The following ARHGAP15 variants were observed in gnomAD, a reference collection of about 807,000 sequenced individuals.
ARHGAP15 encodes Rho GTPase activating protein 15, also known as rho GTPase-activating protein 15.
A neutral mutation model predicts 63.7 loss-of-function variants in ARHGAP15; 51 were observed. That is an observed-to-expected ratio of 0.80 (90% CI 0.64 to 1.01). The LOEUF is 1.01. ARHGAP15 is among the 50% of genes least tolerant of loss of function. ARHGAP15 has a pLI of 0.00. For missense variants in ARHGAP15, 560 were observed against 564.6 expected, an observed-to-expected ratio of 0.99 and a Z score of 0.08; for synonymous variants, 191 against 193.8, an observed-to-expected ratio of 0.99 and a Z score of 0.12.
At chr2:143,379,487 A>ATATATGTGTGTGTGTG (rs1202571594) in intron 6 of ARHGAP15, among the ~76,000 whole-genome samples, 10 of 129,760 alleles carry the variant, frequency 7.7e-5, no homozygotes, top group African/African-American at 2.6e-4. Context: ...AGGCATATAT[A>ATATATGTGTGTGTGTG]TGTGTGTGTG....
At chr2:143,394,952 A>G (rs1450278807) in intron 6 of ARHGAP15, among the ~76,000 whole-genome samples, 2 of 152,156 alleles carry the variant, frequency 1.3e-5, no homozygotes, top group African/African-American at 2.4e-5. Context: ...GTCGAAATTT[A>G]CCATTCAGAG....
In ARHGAP15 at chr2:143,513,812, A is replaced by C. The variant is rs528679393; in HGVS notation, c.827-5454A>C. Among the ~76,000 whole-genome samples the C allele has an allele frequency of 7.2e-5, 11 of 152,268 alleles. No individual in the cohort carries two copies. The East Asian group carries it at 2.1e-3, about 29-fold the overall frequency. ...GCTCACCTCCTACACCCACTTGCCAAACCCGACTGAATCACTCCTTCTTGC... is the reference window on the plus strand; with the variant it reads ...GCTCACCTCCTACACCCACTTGCCACACCCGACTGAATCACTCCTTCTTGC... On this transcript the variant is annotated intron_variant, in intron 9 of 13. Transcript: ENST00000295095.
chr2:143,191,036 TG>T (rs1449673752), intron 2 of ARHGAP15, among the ~76,000 whole-genome samples: 1 of 152,234 alleles, frequency 6.6e-6, no homozygotes, highest in Non-Finnish European at 1.5e-5. Flanking sequence ...CCCAAAGTGC[TG>T]GGATTACAGG....
chr2:143,360,675 T>C (rs1007377392), intron 6 of ARHGAP15, among the ~76,000 whole-genome samples: 2 of 152,190 alleles, frequency 1.3e-5, no homozygotes, highest in African/African-American at 4.8e-5. Flanking sequence ...CTCACCTGTA[T>C]AATTACAGCA....
At chr2:143,493,694 A>C (rs1270118775) in intron 9 of ARHGAP15, among the ~76,000 whole-genome samples, 3 of 151,826 alleles carry the variant, frequency 2.0e-5, no homozygotes, top group Non-Finnish European at 4.4e-5. Context: ...TCTTTCTCCA[A>C]TTTGCACTGG....
chr2:143,543,130 A>T, intron 10 of ARHGAP15, among the ~76,000 whole-genome samples: 1 of 151,828 alleles, frequency 6.6e-6, no homozygotes. Context: ...ATTTTTTCCC[A>T]TAATTGTTGT....
chr2:143,625,716 C>T (rs1434718698), intron 12 of ARHGAP15, among the ~76,000 whole-genome samples: 1 of 152,176 alleles, frequency 6.6e-6, no homozygotes, highest in Non-Finnish European at 1.5e-5. Context: ...AACACCCAAG[C>T]AACTTACAAT....
At chr2:143,149,362 C>T (rs750872601) in intron 1 of ARHGAP15, among the ~76,000 whole-genome samples, 2 of 151,958 alleles carry the variant, frequency 1.3e-5, no homozygotes, top group Non-Finnish European at 2.9e-5. Flanking sequence ...GGTGTATGGC[C>T]ATTTCTTGCC....
intron 6 of ARHGAP15, among the ~76,000 whole-genome samples, chr2:143,406,033 C>G (rs1053165051): frequency 1.3e-5 from 2 of 151,868 alleles, no homozygotes; most frequent in African/African-American, 4.8e-5. Flanking sequence ...GAGTTTTCAT[C>G]TGTCAGATCT....
At chr2:143,382,098 C>T (rs1287338771) in intron 6 of ARHGAP15, among the ~76,000 whole-genome samples, 1 of 28,324 alleles carries the variant, frequency 3.5e-5, no homozygotes, top group Admixed American at 4.2e-4. Context: ...TCCTTCCTCC[C>T]TCCCTTTCCT....
chr2:143,304,087 A>G (rs1481601448), intron 6 of ARHGAP15, among the ~76,000 whole-genome samples: 1 of 152,200 alleles, frequency 6.6e-6, no homozygotes, highest in African/African-American at 2.4e-5. Context: ...CATTTGACCC[A>G]GCCATCTCAT....
At chr2:143,255,268 T>TC (rs564752715) in intron 6 of ARHGAP15, among the ~76,000 whole-genome samples, 202 of 151,826 alleles carry the variant, frequency 1.3e-3, no homozygotes, top group Middle Eastern at 0.01. Context: ...TCTGTTATCC[T>TC]CCCCCCGCCA....
chr2:143,735,109 T>TA (rs1685694238), intron 13 of ARHGAP15, among the ~76,000 whole-genome samples: 1 of 152,254 alleles, frequency 6.6e-6, no homozygotes, highest in African/African-American at 2.4e-5. Context: ...GCTTCATGTA[T>TA]AATTTACTTT....
intron 12 of ARHGAP15, among the ~76,000 whole-genome samples, chr2:143,668,690 A>T (rs1412338863): frequency 6.6e-6 from 1 of 152,186 alleles, no homozygotes. Context: ...CTTGTCTTAG[A>T]GAAGCCTGAA....
intron 13 of ARHGAP15, among the ~76,000 whole-genome samples, chr2:143,707,941 A>T (rs554898932): frequency 6.6e-6 from 1 of 152,332 alleles, no homozygotes; most frequent in South Asian, 2.1e-4. Context: ...ATTTACTAAA[A>T]TGTTGATATT....
At chr2:143,664,903 G>A (rs374456588) in intron 12 of ARHGAP15, among the ~76,000 whole-genome samples, 1 of 151,958 alleles carries the variant, frequency 6.6e-6, no homozygotes, top group South Asian at 2.1e-4. Context: ...AATAACAGGA[G>A]CTGAAATTGT....
intron 9 of ARHGAP15, among the ~76,000 whole-genome samples, chr2:143,490,235 G>A (rs1267798568): frequency 9.2e-5 from 14 of 152,086 alleles, no homozygotes; most frequent in Admixed American, 5.9e-4. Context: ...TCCTGACCTC[G>A]TGATCCACCC....
chr2:143,202,879 G>A (rs139777321), intron 3 of ARHGAP15, among the ~76,000 whole-genome samples: 1,747 of 152,156 alleles, frequency 0.011, 38 homozygotes, highest in South Asian at 0.1. Context: ...GACAAAAAGA[G>A]TACCTGAAAT....
rs184019783 is a variant in ARHGAP15, at chr2:143,177,521, G to T, written c.165+21866G>T. On this transcript the variant is annotated intron_variant, in intron 2 of 13. Transcript: ENST00000295095. ...ATTTTGCTGCCTACCTTTCACTTTC[G>T]ATTGCATACTCATTTGTTTATTCAC... Among the ~76,000 whole-genome samples the T allele has an allele frequency of 2.0e-5, 3 of 152,238 alleles. No individual in the cohort carries two copies. The East Asian group carries it at 5.8e-4, about 29-fold the overall frequency.
Sources: gnomAD v4.1 joint callset for allele counts (sites outside exome capture counted in the v4.1 genomes callset) on GRCh38, gnomAD v4.1.1 for gene constraint, MANE v1.5 for transcripts, NCBI Gene and HGNC (gene_info 2026-07-23, HGNC 2026-07-21) for gene names.